The following UGT1A8 variants were observed in gnomAD, a reference collection of about 807,000 sequenced individuals.
UGT1A8 encodes the protein UDP-glucuronosyltransferase 1A8.
A neutral mutation model predicts 45.3 loss-of-function variants in UGT1A8; 39 were observed. That is an observed-to-expected ratio of 0.86 (90% CI 0.67 to 1.12). The LOEUF is 1.12. UGT1A8 is among the 50% of genes most tolerant of loss of function. UGT1A8 has a pLI of 0.00. For missense variants in UGT1A8, 719 were observed against 664.9 expected (o/e 1.08, Z -0.90); for synonymous variants, 275 against 249.2 (o/e 1.10, Z -0.97).
chr2:233,767,956 T>G lies in UGT1A8; in HGVS notation c.1075+20T>G, dbSNP rs745426586. The G allele has an allele frequency of 3.1e-6, 5 of 1,614,074 alleles. No individual in the cohort carries two copies. The East Asian group carries it at 8.9e-5, about 29-fold the overall frequency. On this transcript the variant is annotated intron_variant, in intron 3 of 4. Transcript: ENST00000373450. ...TGCTTGGTATGTTGGGCGGATTGGATGTATAGGTCAAACCAGGGTCAAATT... is the reference window on the plus strand; with the variant it reads ...TGCTTGGTATGTTGGGCGGATTGGAGGTATAGGTCAAACCAGGGTCAAATT...
chr2:233,636,320 T>C, intron 1 of UGT1A8: 2 of 903,872 alleles, frequency 2.2e-6, no homozygotes, highest in Non-Finnish European at 3.1e-6. Flanking sequence ...CTGGAAATCA[T>C]ACAAGTAGGT....
chr2:233,713,057 C>T (rs145133773), intron 1 of UGT1A8: 14 of 1,613,998 alleles, frequency 8.7e-6, no homozygotes, highest in Non-Finnish European at 1.2e-5. Flanking sequence ...TCCTCAGTGT[C>T]CAGCCCTGGG....
At chr2:233,767,613 G>C (rs1438949419) in intron 2 of UGT1A8, among the ~76,000 whole-genome samples, 4 of 152,108 alleles carry the variant, frequency 2.6e-5, no homozygotes, top group African/African-American at 9.7e-5. Flanking sequence ...AAAATCCTAA[G>C]TGCACAGCTT....
chr2:233,701,490 G>A (rs1170806303), intron 1 of UGT1A8, among the ~76,000 whole-genome samples: 10 of 151,864 alleles, frequency 6.6e-5, no homozygotes, highest in Admixed American at 2.6e-4. Context: ...TGCACCAAGC[G>A]GACCTAATAG....
intron 1 of UGT1A8, chr2:233,743,508 C>T (rs750114193): frequency 5.1e-6 from 7 of 1,367,284 alleles, no homozygotes; most frequent in East Asian, 9.1e-5. Context: ...GGGGTGCAGA[C>T]GCTCTGCTTC....
At chr2:233,651,387 C>T (rs887732155) in intron 1 of UGT1A8, among the ~76,000 whole-genome samples, 3 of 151,934 alleles carry the variant, frequency 2.0e-5, no homozygotes, top group African/African-American at 7.3e-5. Flanking sequence ...ACATATTGGC[C>T]ATATATCATT....
rs539341729 is a variant in UGT1A8 at position 233,647,384 on chromosome 2, G to A, written c.855+28822G>A. Among the ~76,000 whole-genome samples the A allele has an allele frequency of 5.9e-5, 9 of 152,268 alleles. No homozygotes were observed. In the East Asian group the frequency reaches 7.7e-4, roughly 13 times the overall value. On this transcript the variant is annotated intron_variant, in intron 1 of 4. Coordinates refer to ENST00000373450, the MANE Select transcript of UGT1A8 (RefSeq NM_019076.5). Reference sequence around the variant, plus strand: ...ATCTTTATCTGGTTTTGGTATTGTGGTAATGTTGGTCTCACAGAATGAATT... The same window carrying A: ...ATCTTTATCTGGTTTTGGTATTGTGATAATGTTGGTCTCACAGAATGAATT...
At chr2:233,677,473 A>G (rs1221451361) in intron 1 of UGT1A8, among the ~76,000 whole-genome samples, 8 of 152,202 alleles carry the variant, frequency 5.3e-5, no homozygotes, top group Non-Finnish European at 1.5e-5. Flanking sequence ...TAAACAGTCA[A>G]TTAACACATA....
intron 1 of UGT1A8, chr2:233,743,801 T>C (rs1692515723): frequency 1.5e-6 from 2 of 1,367,278 alleles, no homozygotes; most frequent in Non-Finnish European, 2.0e-6. Context: ...CGCTTCCTCC[T>C]TGTTCTCAGG....
rs1162571457 is a variant in UGT1A8, at chr2:233,687,640, C to T, written c.855+69078C>T. On this transcript the variant is annotated intron_variant, in intron 1 of 4. Transcript: ENST00000373450. ...AAAAAAGGCTGAGTGTGGTGGCTCA[C>T]ACATGTAATCACAGCACTTTAGGAG... Among the ~76,000 whole-genome samples the T allele has an allele frequency of 2.7e-5, 4 of 148,300 alleles. No homozygotes were observed. The South Asian group carries it at 6.4e-4, about 24-fold the overall frequency.
At chr2:233,661,492 C>T (rs555133398) in intron 1 of UGT1A8, among the ~76,000 whole-genome samples, 1 of 152,156 alleles carries the variant, frequency 6.6e-6, no homozygotes, top group South Asian at 2.1e-4. Flanking sequence ...TTTGAATATC[C>T]TTCTTTCTAC....
intron 1 of UGT1A8, among the ~76,000 whole-genome samples, chr2:233,627,478 C>A (rs1030795521): frequency 6.6e-6 from 1 of 151,976 alleles, no homozygotes; most frequent in Non-Finnish European, 1.5e-5. Context: ...TCTATAAATA[C>A]GCCTTTCTTA....
At chr2:233,755,021 G>C (rs1378604817) in intron 1 of UGT1A8, 1 of 1,305,166 alleles carries the variant, frequency 7.7e-7, no homozygotes, top group Non-Finnish European at 1.0e-6. Context: ...AGGGGTCCTT[G>C]AAGGGCCTGC....
chr2:233,702,602 A>G (rs2075695766), intron 1 of UGT1A8, among the ~76,000 whole-genome samples: 1 of 152,128 alleles, frequency 6.6e-6, no homozygotes, highest in Non-Finnish European at 1.5e-5. Flanking sequence ...TTTTTTGAGT[A>G]GATGCCCCCC....
intron 1 of UGT1A8, among the ~76,000 whole-genome samples, chr2:233,710,453 C>T (rs1180857198): frequency 6.6e-6 from 1 of 152,190 alleles, no homozygotes; most frequent in African/African-American, 2.4e-5. Flanking sequence ...ACATTTTAGC[C>T]ATCCTAATGG....
Position 233,740,697 on chromosome 2 carries a change from G to T in UGT1A8, c.856-26337G>T, listed in dbSNP as rs764928862. The stretch of plus-strand genomic sequence containing the variant: ...TTCCATGGAGGGTGTTCATTTTAGG[G>T]ATTTCAAGAGGGTCATCTTTGCACC... On this transcript the variant is annotated intron_variant, in intron 1 of 4. Coordinates refer to ENST00000373450, the MANE Select transcript of UGT1A8 (RefSeq NM_019076.5). 2.6e-5 allele frequency: 4 copies of T among 151,794 alleles called. No homozygotes were observed. In the East Asian group the frequency reaches 7.7e-4, roughly 29 times the overall value. 9.4% of individuals were successfully genotyped at this position (151,794 alleles called of 1,614,324 possible).
chr2:233,766,327 G>A (rs373926451), intron 1 of UGT1A8, among the ~76,000 whole-genome samples: 29 of 152,248 alleles, frequency 1.9e-4, no homozygotes, highest in East Asian at 9.7e-4. Context: ...CAAACTCCGC[G>A]TTGTTCTGCT....
At position 233,729,426 on chromosome 2, in the gene UGT1A8, C is replaced by T. The variant is rs141561137; in HGVS notation, c.856-37608C>T. On this transcript the variant is annotated intron_variant, in intron 1 of 4. Coordinates refer to ENST00000373450, the MANE Select transcript of UGT1A8 (RefSeq NM_019076.5). The stretch of plus-strand genomic sequence containing the variant: ...ATGTGCTGGGCCACACTCAACTGTA[C>T]TTTGAAACAGAACATTTTCTGAAGA... The T allele has an allele frequency of 1.1e-4, 183 of 1,613,828 alleles. 1 individual carries two copies. The African/African-American group carries it at 2.1e-3, about 19-fold the overall frequency.
At position 233,769,494 on chromosome 2, in the gene UGT1A8, A is replaced by C. The variant is rs761998450; in HGVS notation, c.1295+1055A>C. On this transcript the variant is annotated intron_variant, in intron 4 of 4. Coordinates refer to ENST00000373450, the MANE Select transcript of UGT1A8 (RefSeq NM_019076.5). The surrounding 1 kb of genome is among the most constrained non-coding windows in gnomAD (Gnocchi z 4.4). Reference sequence around the variant, plus strand: ...GTGTGTGTGTGCGTGTGTTTATGAGAGTGTCCATTGCTTTCTCCCATGGTT... The same window carrying C: ...GTGTGTGTGTGCGTGTGTTTATGAGCGTGTCCATTGCTTTCTCCCATGGTT... 1.9e-6 allele frequency: 3 copies of C among 1,612,660 alleles called. No individual in the cohort carries two copies. Among genetic ancestry groups the C allele is most frequent in the South Asian group, 2.2e-5 (2 of 91,046 alleles).
Sources: allele counts gnomAD v4.1 joint callset (sites outside exome capture counted in the v4.1 genomes callset), GRCh38; gene constraint gnomAD v4.1.1; non-coding constraint Gnocchi (gnomAD v3.1); transcripts MANE v1.5; gene names NCBI Gene and HGNC (gene_info 2026-07-23, HGNC 2026-07-21).